The following KCNK2 variants were observed in gnomAD, a reference collection of about 807,000 sequenced individuals.
KCNK2 encodes potassium two pore domain channel subfamily K member 2.
In KCNK2, 21 loss-of-function variants were observed where a neutral mutation model predicts 40.5. The observed-to-expected ratio is 0.52, with a 90% CI of 0.37 to 0.75. The LOEUF is 0.75. KCNK2 is among the 30% of genes least tolerant of loss of function. The pLI, the probability that KCNK2 is intolerant of heterozygous loss-of-function variation, is 0.00. For missense variants in KCNK2, 399 were observed against 531.6 expected (o/e 0.75, Z 2.45); for synonymous variants, 191 against 202.2 (o/e 0.94, Z 0.47).
chr1:215,033,149 G>C (rs1019307291), intron 1 of KCNK2, among the ~76,000 whole-genome samples: 1 of 149,226 alleles, frequency 6.7e-6, no homozygotes, highest in Non-Finnish European at 1.5e-5. Flanking sequence ...TAATGAACCC[G>C]TCAAGGCATT....
At chr1:215,157,641 T>C (rs1047365477) in intron 3 of KCNK2, among the ~76,000 whole-genome samples, 6 of 152,306 alleles carry the variant, frequency 3.9e-5, no homozygotes, top group Admixed American at 6.5e-5. Context: ...TGCCCATTTT[T>C]CTTCTTGCTG....
chr1:215,005,765 T>C (rs888346040), upstream of KCNK2: 17 of 645,230 alleles, frequency 2.6e-5, no homozygotes, highest in East Asian at 4.6e-4. Context: ...AGGAAACTGA[T>C]CTACAGGGTA....
chr1:215,040,732 C>A (rs1342125801), intron 1 of KCNK2, among the ~76,000 whole-genome samples: 1 of 152,146 alleles, frequency 6.6e-6, no homozygotes, highest in Non-Finnish European at 1.5e-5. Flanking sequence ...AACCAGTTCT[C>A]ACATCTGTAA....
At chr1:215,229,871 A>C (rs1311627364) in intron 6 of KCNK2, among the ~76,000 whole-genome samples, 1 of 151,590 alleles carries the variant, frequency 6.6e-6, no homozygotes, top group Admixed American at 6.6e-5. Flanking sequence ...TTTGCTCTGC[A>C]CTCCTCTAAA....
At chr1:215,028,078 A>C (rs1392744528) in intron 1 of KCNK2, among the ~76,000 whole-genome samples, 1 of 151,982 alleles carries the variant, frequency 6.6e-6, no homozygotes, top group Non-Finnish European at 1.5e-5. Flanking sequence ...ATATTTATCT[A>C]ATTTAATGTT....
intron 6 of KCNK2, among the ~76,000 whole-genome samples, chr1:215,201,558 C>A (rs577400878): frequency 7.9e-5 from 12 of 152,210 alleles, no homozygotes; most frequent in African/African-American, 2.9e-4. Context: ...GCATGGAGAC[C>A]AGTTAGGAAT....
intron 1 of KCNK2, among the ~76,000 whole-genome samples, chr1:215,020,788 G>A (rs750958665): frequency 2.6e-5 from 4 of 152,096 alleles, no homozygotes; most frequent in Non-Finnish European, 4.4e-5. Context: ...ATACTCATTT[G>A]GATGTGTAAA....
intron 5 of KCNK2, among the ~76,000 whole-genome samples, chr1:215,193,543 A>G (rs1052522481): frequency 2.0e-5 from 3 of 151,986 alleles, no homozygotes; most frequent in African/African-American, 7.3e-5. Context: ...GTAATTGGCC[A>G]TGAATCCTTG....
At chr1:215,101,210 G>T (rs1349207982) in intron 2 of KCNK2, among the ~76,000 whole-genome samples, 1 of 151,954 alleles carries the variant, frequency 6.6e-6, no homozygotes, top group Non-Finnish European at 1.5e-5. Flanking sequence ...CTAGTGAGGG[G>T]TGACTAAAAA....
At chr1:215,093,669 G>A (rs1659808024) in intron 2 of KCNK2, among the ~76,000 whole-genome samples, 2 of 76,686 alleles carry the variant, frequency 2.6e-5, no homozygotes, top group East Asian at 3.0e-4. Flanking sequence ...GATATATATA[G>A]AATATACATA....
At chr1:215,190,963 A>G (rs1474037845) in intron 5 of KCNK2, among the ~76,000 whole-genome samples, 1 of 151,124 alleles carries the variant, frequency 6.6e-6, no homozygotes, top group Non-Finnish European at 1.5e-5. Context: ...TACAGAGCCA[A>G]TTTTTCTTTC....
intron 1 of KCNK2, among the ~76,000 whole-genome samples, chr1:215,055,443 C>T (rs1417493264): frequency 6.6e-6 from 1 of 152,222 alleles, no homozygotes; most frequent in African/African-American, 2.4e-5. Flanking sequence ...CCCCACAGAA[C>T]TGCTTCTGTA....
intron 6 of KCNK2, among the ~76,000 whole-genome samples, chr1:215,195,353 T>A (rs2102665631): frequency 1.4e-5 from 1 of 71,926 alleles, no homozygotes; most frequent in Admixed American, 1.9e-4. Context: ...AAACATTTTC[T>A]TCATTATTTC....
intron 2 of KCNK2, among the ~76,000 whole-genome samples, chr1:215,111,796 G>A (rs534095325): frequency 6.6e-6 from 1 of 151,676 alleles, no homozygotes; most frequent in East Asian, 1.9e-4. Flanking sequence ...GTTTCTTTAT[G>A]TGCCTTGTAA....
Position 215,007,805 on chromosome 1 carries a change from C to T in KCNK2, c.34+1850C>T, listed in dbSNP as rs934241790. The stretch of plus-strand genomic sequence containing the variant: ...TCTATAGCATTGGATATAAGCTTAA[C>T]GTTGGATAAGCTTATATTATATAAA... On this transcript the variant is annotated intron_variant, in intron 1 of 6. Coordinates refer to the KCNK2 transcript ENST00000391895. Among the ~76,000 whole-genome samples, 3 of 151,978 alleles carry T rather than the reference C, an allele frequency of 2.0e-5. 1 individual carries two copies. Among genetic ancestry groups the T allele is most frequent in the Non-Finnish European group, 4.4e-5 (3 of 67,962 alleles).
chr1:215,159,525 A>G (rs1663098027), intron 3 of KCNK2, among the ~76,000 whole-genome samples: 1 of 152,216 alleles, frequency 6.6e-6, no homozygotes, highest in South Asian at 2.1e-4. Flanking sequence ...TACCTAAAAT[A>G]GAAAAGTACA....
intron 2 of KCNK2, among the ~76,000 whole-genome samples, chr1:215,114,994 GGTGTGTGTGTGTGTGTGTGT>G (rs59948899): frequency 2.0e-5 from 3 of 147,232 alleles, no homozygotes; most frequent in African/African-American, 7.7e-5. Flanking sequence ...TACTTTGTCA[GGTGTGTGTGTGTGTGTGTGT>G]GTGTGTGTGT....
chr1:215,083,347 C>T lies in KCNK2; in HGVS notation c.-39C>T, dbSNP rs1235056078. On this transcript the variant is annotated 5_prime_UTR_variant, in exon 1 of 7. Transcript: ENST00000444842. ...GTGTTTGTAAAAAAAAGCTTCAAGT[C>T]CGTCTTTTTCAAAAAACATTTTGAA... 2.5e-6 allele frequency: 4 copies of T among 1,614,078 alleles called. No individual in the cohort carries two copies. Among genetic ancestry groups the T allele is most frequent in the Non-Finnish European group, 3.4e-6 (4 of 1,179,982 alleles).
intron 5 of KCNK2, among the ~76,000 whole-genome samples, chr1:215,185,740 A>C (rs1177626448): frequency 1.3e-5 from 2 of 152,132 alleles, no homozygotes; most frequent in Non-Finnish European, 2.9e-5. Flanking sequence ...TCATCTTTCT[A>C]TTGGGCTATA....
Sources: gnomAD v4.1 joint callset for allele counts (sites outside exome capture counted in the v4.1 genomes callset) on GRCh38, gnomAD v4.1.1 for gene constraint, MANE v1.5 for transcripts, NCBI Gene and HGNC (gene_info 2026-07-23, HGNC 2026-07-21) for gene names.